MDGA2: variants seen among roughly 807,000 people sequenced by gnomAD.
The protein encoded by MDGA2 is MAM domain containing glycosylphosphatidylinositol anchor 2, also known as MAM domain-containing glycosylphosphatidylinositol anchor protein 2.
MDGA2 carries 40 observed loss-of-function variants against 117.8 expected under a neutral mutation model. That is an observed-to-expected ratio of 0.34 (90% CI 0.26 to 0.44). The LOEUF (loss-of-function observed/expected upper bound fraction) is 0.44. Ranked by LOEUF, MDGA2 falls within the 20% of genes least tolerant of loss-of-function variation. The probability of loss-of-function intolerance (pLI) is 1.00; values close to 1 mark genes in which losing one functional copy is unlikely to be tolerated. For missense variants in MDGA2, 1,123 were observed against 1,250.6 expected, an observed-to-expected ratio of 0.90 and a Z score of 1.54; for synonymous variants, 452 against 439.0, an observed-to-expected ratio of 1.03 and a Z score of -0.37.
chr14:46,940,694 A>G lies in MDGA2; in HGVS notation c.2089+16680T>C, dbSNP rs1290808270. ...AAGCCTTGTATTCATTTAAAGGACC[A>G]TTGGTTGAGTGTGTGCGTGGAGGGG... On this transcript the variant is annotated intron_variant, in intron 9 of 16. Transcript: ENST00000399232. 2.0e-5 allele frequency among the ~76,000 whole-genome samples: 3 copies of G among 151,938 alleles called. No homozygotes were observed. In the East Asian group the frequency reaches 5.8e-4, roughly 29 times the overall value.
At chr14:47,314,802 A>C (rs1241081005) in intron 1 of MDGA2, among the ~76,000 whole-genome samples, 1 of 152,142 alleles carries the variant, frequency 6.6e-6, no homozygotes, top group African/African-American at 2.4e-5. Flanking sequence ...AAAGCATTGG[A>C]TTAATAAAGT....
At position 47,216,459 on chromosome 14, in the gene MDGA2, T is replaced by A. The variant is rs533101775; in HGVS notation, c.595+1562A>T. Among the ~76,000 whole-genome samples the A allele has an allele frequency of 1.6e-4, 24 of 152,230 alleles. No homozygotes were observed. In the South Asian group the frequency reaches 4.8e-3, roughly 30 times the overall value. ...CTGGGCAAAACGTGATTATTCAAAG[T>A]CTGGTAAATAAAGAGTGTAAAGCTT... On this transcript the variant is annotated intron_variant, in intron 3 of 16. Coordinates refer to ENST00000399232, the MANE Select transcript of MDGA2 (RefSeq NM_001113498.3).
chr14:46,912,182 T>G (rs1010147834), intron 10 of MDGA2, among the ~76,000 whole-genome samples: 1 of 152,230 alleles, frequency 6.6e-6, no homozygotes, highest in Admixed American at 6.5e-5. Flanking sequence ...ATGACATTAT[T>G]CAAGGACCTG....
chr14:46,976,774 A>G (rs1277319884), intron 8 of MDGA2, among the ~76,000 whole-genome samples: 1 of 151,928 alleles, frequency 6.6e-6, no homozygotes, highest in African/African-American at 2.4e-5. Context: ...ATTTTTCTAA[A>G]AGTAATTCTT....
intron 1 of MDGA2, among the ~76,000 whole-genome samples, chr14:47,448,811 G>C (rs1450637899): frequency 2.6e-5 from 4 of 152,144 alleles, no homozygotes; most frequent in Non-Finnish European, 5.9e-5. Flanking sequence ...CTTGCAGCTG[G>C]CATCTGAAGT....
intron 3 of MDGA2, among the ~76,000 whole-genome samples, chr14:47,193,418 G>A (rs1235644067): frequency 6.6e-6 from 1 of 152,116 alleles, no homozygotes; most frequent in African/African-American, 2.4e-5. Flanking sequence ...CTGTCCCAGA[G>A]TCTTGGATCT....
At chr14:47,111,755 G>A (rs1881050017) in intron 5 of MDGA2, among the ~76,000 whole-genome samples, 2 of 152,126 alleles carry the variant, frequency 1.3e-5, no homozygotes. Context: ...TAATCTGCCA[G>A]CAAGAAAAGA....
chr14:47,494,791 A>T (rs1459682811), intron 1 of MDGA2, among the ~76,000 whole-genome samples: 1 of 151,364 alleles, frequency 6.6e-6, no homozygotes, highest in Admixed American at 6.6e-5. Flanking sequence ...GTCTTTCTCC[A>T]GTGTATATTT....
At chr14:47,024,025 T>C (rs1888384403) in intron 8 of MDGA2, among the ~76,000 whole-genome samples, 1 of 152,142 alleles carries the variant, frequency 6.6e-6, no homozygotes. Flanking sequence ...GAAAAATGCA[T>C]TAGCAGGAAT....
At chr14:47,500,010 C>T (rs536347591) in intron 1 of MDGA2, among the ~76,000 whole-genome samples, 102 of 151,846 alleles carry the variant, frequency 6.7e-4, no homozygotes, top group African/African-American at 2.4e-3. Flanking sequence ...GTGTTTAAAG[C>T]GATTTAAAAA....
intron 1 of MDGA2, among the ~76,000 whole-genome samples, chr14:47,656,190 A>C (rs548665239): frequency 1.3e-5 from 2 of 152,298 alleles, no homozygotes; most frequent in Admixed American, 1.3e-4. Context: ...GTAGCAATCC[A>C]TTATTAAATA....
At chr14:47,510,075 A>C (rs1032142538) in intron 1 of MDGA2, among the ~76,000 whole-genome samples, 9 of 152,108 alleles carry the variant, frequency 5.9e-5, no homozygotes, top group Non-Finnish European at 1.0e-4. Flanking sequence ...CCTAACTCTC[A>C]ATTGTGATGG....
chr14:47,594,008 A>G (rs1045455285), intron 1 of MDGA2, among the ~76,000 whole-genome samples: 11 of 152,202 alleles, frequency 7.2e-5, no homozygotes, highest in Admixed American at 6.6e-4. Flanking sequence ...TTAAAATATA[A>G]CTGAATGACT....
At chr14:47,107,179 A>G (rs1451591292) in intron 5 of MDGA2, among the ~76,000 whole-genome samples, 39 of 151,686 alleles carry the variant, frequency 2.6e-4, no homozygotes, top group East Asian at 3.9e-4. Context: ...CCAATATCCC[A>G]TCCCGCAGCA....
At chr14:47,120,752 A>G (rs1036315455) in intron 5 of MDGA2, among the ~76,000 whole-genome samples, 1 of 152,184 alleles carries the variant, frequency 6.6e-6, no homozygotes, top group African/African-American at 2.4e-5. Flanking sequence ...CCTGTTCACT[A>G]TTTCCCAGCA....
rs111457415 is a variant in MDGA2, at chr14:47,324,017, G to A, written c.281-22467C>T. ...TCCCAGCTCTTTGGGAGGCCGAGGC[G>A]TGAGAATCATGAGGTCAGGAGACTG... On this transcript the variant is annotated intron_variant, in intron 1 of 16. Coordinates refer to ENST00000399232, the MANE Select transcript of MDGA2 (RefSeq NM_001113498.3). 3.9e-3 allele frequency among the ~76,000 whole-genome samples: 591 copies of A among 151,970 alleles called. 2 individuals carry two copies. The highest frequency in any genetic ancestry group is 0.014 in the African/African-American group (563 of 41,464).
At chr14:47,476,882 C>A (rs1457431493) in intron 1 of MDGA2, among the ~76,000 whole-genome samples, 1 of 152,212 alleles carries the variant, frequency 6.6e-6, no homozygotes, top group African/African-American at 2.4e-5. Flanking sequence ...CTATATTTCA[C>A]TGGGCGTGGT....
intron 11 of MDGA2, 91 bp downstream of exon 11, chr14:46,881,953 C>G (rs1882476946): frequency 2.5e-6 from 2 of 793,372 alleles, no homozygotes; most frequent in African/African-American, 3.6e-5. Flanking sequence ...CTAAGTTTTA[C>G]TTTGTGTCTA....
chr14:47,641,199 G>T (rs1897416858), intron 1 of MDGA2, among the ~76,000 whole-genome samples: 1 of 152,082 alleles, frequency 6.6e-6, no homozygotes, highest in African/African-American at 2.4e-5. Context: ...GTGAAGCCAA[G>T]AAGTCCATAG....
Sources: gnomAD v4.1 joint callset for allele counts (sites outside exome capture counted in the v4.1 genomes callset) on GRCh38, gnomAD v4.1.1 for gene constraint, MANE v1.5 for transcripts, NCBI Gene and HGNC (gene_info 2026-07-23, HGNC 2026-07-21) for gene names.